Variants in PRR16 observed in about 807,000 individuals in gnomAD.
PRR16 encodes the protein proline rich 16, also known as protein Largen.
Under a neutral mutation model 18.2 loss-of-function variants are expected in PRR16, and 6 were observed. The ratio of observed to expected loss-of-function variants is 0.33; its 90% CI spans 0.18 to 0.65. The LOEUF (loss-of-function observed/expected upper bound fraction) is 0.65, where lower values mean the gene tolerates loss of function less well. PRR16 is among the 30% of genes least tolerant of loss of function. The pLI is 0.74. For synonymous variants in PRR16, 151 were observed against 147.8 expected, an observed-to-expected ratio of 1.02 and a Z score of -0.16; for missense variants, 412 against 376.6, an observed-to-expected ratio of 1.09 and a Z score of -0.78.
chr5:120,664,614 T>A (rs962576674), intron 1 of PRR16, among the ~76,000 whole-genome samples: 16 of 151,906 alleles, frequency 1.1e-4, no homozygotes, highest in Non-Finnish European at 1.9e-4. Flanking sequence ...CTGCTCCCCC[T>A]ACCCCACAGC....
At position 120,626,121 on chromosome 5, in the gene PRR16, G is replaced by A. The variant is rs568669460; in HGVS notation, c.160-59833G>A. Among the ~76,000 whole-genome samples, 369 of 152,190 alleles carry A rather than the reference G, an allele frequency of 2.4e-3. 2 individuals carry two copies. Among genetic ancestry groups the A allele is most frequent in the Middle Eastern group, 3.4e-3 (1 of 294 alleles). The stretch of plus-strand genomic sequence containing the variant: ...TTAGTAACAATTTCCCCAAGGCTCA[G>A]TAAGCGTTATAAACATGTGTATACC... On this transcript the variant is annotated intron_variant, in intron 1 of 1. Transcript: ENST00000407149.
At chr5:120,576,056 C>A (rs1355239501) in intron 1 of PRR16, among the ~76,000 whole-genome samples, 7 of 152,088 alleles carry the variant, frequency 4.6e-5, no homozygotes, top group Non-Finnish European at 8.8e-5. Flanking sequence ...AAATGGAAGA[C>A]CCCTATACTA....
chr5:120,588,782 C>T (rs1382634333), intron 1 of PRR16, among the ~76,000 whole-genome samples: 1 of 152,056 alleles, frequency 6.6e-6, no homozygotes, highest in Non-Finnish European at 1.5e-5. Flanking sequence ...GAATGTAGAG[C>T]ACAAATTCTG....
At chr5:120,777,638 G>A in the PRR16 span, among the ~76,000 whole-genome samples, 6 of 152,004 alleles carry the variant, frequency 3.9e-5, no homozygotes, top group Admixed American at 2.6e-4. Context: ...TCAATATCTA[G>A]ACTAGTGATA....
the PRR16 span, among the ~76,000 whole-genome samples, chr5:120,712,480 T>C: frequency 6.6e-6 from 1 of 152,052 alleles, no homozygotes; most frequent in Non-Finnish European, 1.5e-5. Flanking sequence ...AGTAAGACTA[T>C]GCACAGCAAA....
At chr5:120,692,550 G>T in the PRR16 span, among the ~76,000 whole-genome samples, 2 of 152,182 alleles carry the variant, frequency 1.3e-5, no homozygotes, top group Admixed American at 1.3e-4. Context: ...TAGTCACATG[G>T]TCTTGTTTGT....
the PRR16 span, among the ~76,000 whole-genome samples, chr5:120,731,961 G>T: frequency 1.3e-5 from 2 of 152,166 alleles, no homozygotes; most frequent in East Asian, 3.9e-4. Flanking sequence ...GACTGGTGCT[G>T]GTAGCCCTAG....
At chr5:120,479,830 C>T (rs189839522) in intron 1 of PRR16, among the ~76,000 whole-genome samples, 14 of 151,838 alleles carry the variant, frequency 9.2e-5, no homozygotes, top group Non-Finnish European at 1.5e-4. Context: ...AACTTTGATA[C>T]CTACTAGTTC....
At chr5:120,716,030 A>G in the PRR16 span, among the ~76,000 whole-genome samples, 1 of 152,180 alleles carries the variant, frequency 6.6e-6, no homozygotes, top group Admixed American at 6.5e-5. Flanking sequence ...ATCTGCATTC[A>G]TATCACAAAT....
the PRR16 span, among the ~76,000 whole-genome samples, chr5:120,702,769 A>G: frequency 6.6e-6 from 1 of 152,108 alleles, no homozygotes; most frequent in African/African-American, 2.4e-5. Context: ...TAGTGGAGGG[A>G]CAGTGAGAGA....
At chr5:120,594,399 G>C (rs1283935924) in intron 1 of PRR16, among the ~76,000 whole-genome samples, 3 of 151,926 alleles carry the variant, frequency 2.0e-5, no homozygotes, top group Non-Finnish European at 2.9e-5. Flanking sequence ...TAGGAATACA[G>C]CTAATCAAGG....
At chr5:120,635,647 C>G (rs1755202874) in intron 1 of PRR16, among the ~76,000 whole-genome samples, 1 of 152,094 alleles carries the variant, frequency 6.6e-6, no homozygotes, top group Admixed American at 6.6e-5. Context: ...CTATGATAAA[C>G]CCACAGCCAA....
the PRR16 span, among the ~76,000 whole-genome samples, chr5:120,703,484 T>G: frequency 1.3e-5 from 2 of 152,222 alleles, no homozygotes; most frequent in African/African-American, 4.8e-5. Context: ...AGTGCTATCC[T>G]GTGCATTGAA....
At chr5:120,526,182 A>G (rs1240091047) in intron 1 of PRR16, among the ~76,000 whole-genome samples, 1 of 152,070 alleles carries the variant, frequency 6.6e-6, no homozygotes, top group Non-Finnish European at 1.5e-5. Flanking sequence ...TCTGGATAAT[A>G]AAGATCTCAT....
intron 1 of PRR16, among the ~76,000 whole-genome samples, chr5:120,557,932 A>G (rs999112756): frequency 1.3e-5 from 2 of 151,924 alleles, no homozygotes; most frequent in Admixed American, 1.3e-4. Context: ...TGTTGGGTTA[A>G]GGTTTAGATT....
intron 1 of PRR16, among the ~76,000 whole-genome samples, chr5:120,677,905 CTTTTTTT>C (rs386404833): frequency 1.1e-5 from 1 of 93,218 alleles, no homozygotes; most frequent in Admixed American, 1.5e-4. Flanking sequence ...CTTTTTCTTT[CTTTTTTT>C]TTTTTTTTTT....
intron 1 of PRR16, among the ~76,000 whole-genome samples, chr5:120,494,547 T>A (rs1750179204): frequency 6.6e-6 from 1 of 152,118 alleles, no homozygotes; most frequent in Non-Finnish European, 1.5e-5. Context: ...TAATATGTTC[T>A]CTCACACTGT....
chr5:120,686,185 C>T lies in PRR16; in HGVS notation c.391C>T (p.Pro131Ser). 1 of 1,614,170 alleles carries T rather than the reference C, an allele frequency of 6.2e-7. No individual in the cohort carries two copies. Among genetic ancestry groups the T allele is most frequent in the Non-Finnish European group, 8.5e-7 (1 of 1,180,030 alleles). ...TCCACCACCTCCTCCAAGGTTGACACCTGTGAAGTGTGAAGACCCCAAAAG... is the reference window on the plus strand; with the variant it reads ...TCCACCACCTCCTCCAAGGTTGACATCTGTGAAGTGTGAAGACCCCAAAAG... The part of the protein sequence containing the change: ...NPPPPPPRLT[P>S]VKCEDPKRVV... Residue 131 changes from proline (P) to serine (S), a missense_variant, in exon 2 of 2, where the codon CCT becomes TCT. Coordinates refer to ENST00000407149, the MANE Select transcript of PRR16 (RefSeq NM_001300783.2).
intron 1 of PRR16, among the ~76,000 whole-genome samples, chr5:120,579,355 G>C (rs1753186928): frequency 6.6e-6 from 1 of 152,050 alleles, no homozygotes; most frequent in African/African-American, 2.4e-5. Context: ...GTATTGCCTA[G>C]GTTTTCTTCT....
Sources: allele counts gnomAD v4.1 joint callset (sites outside exome capture counted in the v4.1 genomes callset), GRCh38; gene constraint gnomAD v4.1.1; transcripts MANE v1.5; gene names NCBI Gene and HGNC (gene_info 2026-07-23, HGNC 2026-07-21).